Variants in MBTPS1 observed in about 807,000 individuals in gnomAD.
MBTPS1 encodes the protein membrane bound transcription factor peptidase, site 1.
A neutral mutation model predicts 127.8 loss-of-function variants in MBTPS1; 94 were observed. The ratio of observed to expected loss-of-function variants is 0.74; its 90% CI spans 0.62 to 0.87. MBTPS1 has a LOEUF of 0.87. MBTPS1 is among the 40% of genes least tolerant of loss of function. MBTPS1 has a pLI of 0.00. For missense variants in MBTPS1, 1,636 were observed against 1,353.2 expected (o/e 1.21, Z -3.28); for synonymous variants, 632 against 509.4 (o/e 1.24, Z -3.24).
At chr16:84,088,155 T>G (rs1286788888) in intron 8 of MBTPS1, among the ~76,000 whole-genome samples, 1 of 152,128 alleles carries the variant, frequency 6.6e-6, no homozygotes, top group African/African-American at 2.4e-5. Context: ...TTTGAAAATA[T>G]GAGACACTCA....
In MBTPS1 at chr16:84,095,639, T is replaced by C. The variant is rs1314913402; in HGVS notation, c.588A>G (p.Thr196=). 3.1e-6 allele frequency: 5 copies of C among 1,614,096 alleles called. No homozygotes were observed. Among genetic ancestry groups the C allele is most frequent in the South Asian group, 2.2e-5 (2 of 91,090 alleles). The change falls in exon 4 of 23, where the codon ACA becomes ACG. Residue 196 remains threonine (T), a synonymous_variant. Transcript: ENST00000343411. ...LRAIPRQVAQ[T]LQADVLWQMG... is the part of the protein sequence containing the mutation. ...TCTGCCAGAGCACATCTGCCTGCAG[T>C]GTCTGGGCAACCTGGCGCGGGATGG...
intron 13 of MBTPS1, 82 bp from the exon 14 acceptor site, chr16:84,070,120 T>C: frequency 5.9e-6 from 7 of 1,184,634 alleles, no homozygotes; most frequent in Non-Finnish European, 8.3e-6. Flanking sequence ...TTTCTATTTA[T>C]CAACTTAACC....
At chr16:84,095,917 G>C in intron 3 of MBTPS1, 112 bp from the exon 4 acceptor site, 1 of 774,480 alleles carries the variant, frequency 1.3e-6, no homozygotes, top group Middle Eastern at 2.4e-4. Flanking sequence ...CACTCTGTTT[G>C]AAGGAAAGTG....
At chr16:84,098,309 A>T (rs947504706) in intron 3 of MBTPS1, among the ~76,000 whole-genome samples, 1 of 152,208 alleles carries the variant, frequency 6.6e-6, no homozygotes, top group Non-Finnish European at 1.5e-5. Flanking sequence ...CATGTTTTGC[A>T]AGAGTGCCTT....
At chr16:84,073,932 G>C (rs2085812115) in intron 12 of MBTPS1, among the ~76,000 whole-genome samples, 2 of 152,088 alleles carry the variant, frequency 1.3e-5, no homozygotes, top group Non-Finnish European at 2.9e-5. Flanking sequence ...CTTGAACCTG[G>C]GAGGCGGAGG....
chr16:84,102,489 C>A (rs76260315), intron 1 of MBTPS1, among the ~76,000 whole-genome samples: 1,768 of 152,076 alleles, frequency 0.012, 39 homozygotes, highest in African/African-American at 0.04. Flanking sequence ...ACAATAAAAT[C>A]AATGAGAAAA....
At chr16:84,084,012 T>G (rs2085981667) in intron 10 of MBTPS1, among the ~76,000 whole-genome samples, 1 of 152,140 alleles carries the variant, frequency 6.6e-6, no homozygotes, top group East Asian at 1.9e-4. Flanking sequence ...CAGGCTGGAG[T>G]GCAGTGGCAC....
At chr16:84,077,700 C>A (rs1182193683) in intron 11 of MBTPS1, among the ~76,000 whole-genome samples, 2 of 152,160 alleles carry the variant, frequency 1.3e-5, no homozygotes, top group Admixed American at 1.3e-4. Flanking sequence ...AAAAGACTTT[C>A]TAAGGACTCA....
intron 1 of MBTPS1, among the ~76,000 whole-genome samples, chr16:84,112,186 A>G (rs1437361288): frequency 6.6e-6 from 1 of 152,126 alleles, no homozygotes; most frequent in Non-Finnish European, 1.5e-5. Context: ...TGGGCAATGG[A>G]GAGACTGTCT....
At chr16:84,058,574 T>A (rs1277548602) in intron 21 of MBTPS1, among the ~76,000 whole-genome samples, 1 of 152,170 alleles carries the variant, frequency 6.6e-6, no homozygotes, top group African/African-American at 2.4e-5. Flanking sequence ...CCCTTTCTTC[T>A]TATATTGTCC....
intron 9 of MBTPS1, among the ~76,000 whole-genome samples, chr16:84,086,827 G>C (rs529409378): frequency 2.0e-5 from 3 of 152,314 alleles, no homozygotes; most frequent in Admixed American, 1.3e-4. Flanking sequence ...AAAGGTGGGT[G>C]AATGTGCTGC....
intron 1 of MBTPS1, among the ~76,000 whole-genome samples, chr16:84,110,544 T>C (rs1285878848): frequency 6.6e-6 from 1 of 152,230 alleles, no homozygotes; most frequent in African/African-American, 2.4e-5. Flanking sequence ...CATTAAAAAC[T>C]TTTCGTCTAA....
intron 4 of MBTPS1, among the ~76,000 whole-genome samples, chr16:84,094,071 C>G (rs1006167389): frequency 2.6e-5 from 4 of 152,120 alleles, no homozygotes; most frequent in African/African-American, 7.2e-5. Flanking sequence ...AGCAGAAAAT[C>G]CTTCTAGACC....
chr16:84,090,555 C>T (rs1298545091), intron 8 of MBTPS1, among the ~76,000 whole-genome samples: 1 of 152,170 alleles, frequency 6.6e-6, no homozygotes, highest in Non-Finnish European at 1.5e-5. Flanking sequence ...AATAGATTCA[C>T]TTTTCTGATT....
chr16:84,074,508 A>G lies in MBTPS1; in HGVS notation c.1593+89T>C, dbSNP rs2085822366. ...CTCGGCCTAGAACTTTTCCTTTTTT[A>G]ACTTCAGCAGAAGTAACTATGGCCT... On this transcript the variant is annotated intron_variant, in intron 12 of 22. Coordinates refer to ENST00000343411, the MANE Select transcript of MBTPS1 (RefSeq NM_003791.4). 5 of 1,388,558 alleles carry G rather than the reference A, an allele frequency of 3.6e-6. No homozygotes were observed. The Admixed American group carries it at 1.0e-4, about 29-fold the overall frequency. 86.0% of individuals were successfully genotyped at this position (1,388,558 alleles called of 1,614,324 possible). A position where few individuals can be genotyped will look rare whatever the true frequency, so the allele number is the denominator to read the frequency against.
rs2085996726 is a variant in MBTPS1, at chr16:84,084,841, A to G, written c.1286+142T>C. Reference sequence around the variant, plus strand: ...TCCTACCTCTTTGCAGAGATGAAGAAGGAGAGACAGAGCAAGGCTGTGAAG... The same window carrying G: ...TCCTACCTCTTTGCAGAGATGAAGAGGGAGAGACAGAGCAAGGCTGTGAAG... On this transcript the variant is annotated intron_variant, in intron 10 of 22. Coordinates refer to ENST00000343411, the MANE Select transcript of MBTPS1 (RefSeq NM_003791.4). 2.7e-6 allele frequency: 2 copies of G among 743,874 alleles called. 1 individual carries two copies. The highest frequency in any genetic ancestry group is 4.3e-5 in the South Asian group (2 of 46,834). 46.1% of individuals were successfully genotyped at this position (743,874 alleles called of 1,614,324 possible).
At chr16:84,113,955 CTTT>C (rs57658435) in intron 1 of MBTPS1, among the ~76,000 whole-genome samples, 107 of 137,060 alleles carry the variant, frequency 7.8e-4, no homozygotes, top group African/African-American at 1.8e-3. Flanking sequence ...GGTGTCTTCC[CTTT>C]TTTTTTTTTT....
intron 7 of MBTPS1, among the ~76,000 whole-genome samples, chr16:84,091,236 A>G (rs867022561): frequency 6.6e-6 from 1 of 152,158 alleles, no homozygotes; most frequent in South Asian, 2.1e-4. Flanking sequence ...CTGTAATCCC[A>G]GCACTTTGAA....
intron 15 of MBTPS1, 96 bp downstream of exon 15, chr16:84,068,243 A>G: frequency 1.2e-6 from 1 of 859,666 alleles, no homozygotes; most frequent in South Asian, 1.5e-5. Context: ...CTCCCTTGGT[A>G]GCTATCACTG....
Sources: allele counts gnomAD v4.1 joint callset (sites outside exome capture counted in the v4.1 genomes callset), GRCh38; gene constraint gnomAD v4.1.1; transcripts MANE v1.5; gene names NCBI Gene and HGNC (gene_info 2026-07-23, HGNC 2026-07-21).